CBY1: variants seen among roughly 807,000 people sequenced by gnomAD.
The protein encoded by CBY1 is protein chibby homolog 1.
Under a neutral mutation model 15.6 loss-of-function variants are expected in CBY1, and 10 were observed. The ratio of observed to expected loss-of-function variants is 0.64; its 90% CI spans 0.40 to 1.09. CBY1 has a LOEUF of 1.09. Ranked by LOEUF, CBY1 falls within the 50% of genes least tolerant of loss-of-function variation. The probability of loss-of-function intolerance (pLI) is 0.01; values close to 1 mark genes in which losing one functional copy is unlikely to be tolerated. For synonymous variants in CBY1, 61 were observed against 63.5 expected (o/e 0.96, Z 0.19); for missense variants, 150 against 160.5 (o/e 0.93, Z 0.35).
At chr22:38,657,349 C>T (rs1177052742) in intron 1 of CBY1, among the ~76,000 whole-genome samples, 3 of 152,170 alleles carry the variant, frequency 2.0e-5, no homozygotes, top group Non-Finnish European at 4.4e-5. Context: ...TTCCTCAGTG[C>T]AAAGAAAGAA....
chr22:38,668,047 G>C lies in CBY1; in HGVS notation c.-8G>C. The C allele has an allele frequency of 6.2e-7, 1 of 1,613,492 alleles. No homozygotes were observed. Among genetic ancestry groups the C allele is most frequent in the Non-Finnish European group, 8.5e-7 (1 of 1,179,512 alleles). ...GGGAGCACTGGCTTTGCTTTCATCAGGCCAAAGATGCCTTTCTTTGGGAAT... is the reference window on the plus strand; with the variant it reads ...GGGAGCACTGGCTTTGCTTTCATCACGCCAAAGATGCCTTTCTTTGGGAAT... On this transcript the variant is annotated 5_prime_UTR_variant, in exon 2 of 5. Coordinates refer to ENST00000216029, the MANE Select transcript of CBY1 (RefSeq NM_015373.4).
At chr22:38,671,259 C>T (rs1603121036) in intron 4 of CBY1, 71 bp downstream of exon 4, 2 of 1,134,230 alleles carry the variant, frequency 1.8e-6, no homozygotes, top group African/African-American at 1.5e-5. Context: ...GTCACTTAAT[C>T]CAACAGATAT....
intron 1 of CBY1, among the ~76,000 whole-genome samples, chr22:38,663,514 A>G (rs1386237041): frequency 6.8e-6 from 1 of 146,042 alleles, no homozygotes; most frequent in African/African-American, 2.5e-5. Context: ...TGACCAACAT[A>G]GAGAAACCCT....
intron 1 of CBY1, among the ~76,000 whole-genome samples, chr22:38,662,393 A>T (rs2092424721): frequency 6.6e-6 from 1 of 152,222 alleles, no homozygotes. Context: ...TCATATACAA[A>T]TATTAATTCA....
chr22:38,658,455 C>G (rs1453323908), intron 1 of CBY1, among the ~76,000 whole-genome samples: 1 of 143,016 alleles, frequency 7.0e-6, no homozygotes, highest in African/African-American at 2.6e-5. Context: ...ACATATATTA[C>G]TTTATTTTAT....
At chr22:38,670,790 T>C (rs923131327) in intron 2 of CBY1, 94 bp from the exon 3 acceptor site, 3 of 778,468 alleles carry the variant, frequency 3.9e-6, no homozygotes, top group Non-Finnish European at 6.8e-6. Flanking sequence ...ATTAGAGAAA[T>C]GAGTTGTTGG....
intron 1 of CBY1, among the ~76,000 whole-genome samples, chr22:38,658,287 G>A (rs759201507): frequency 9.9e-5 from 15 of 151,138 alleles, no homozygotes; most frequent in Non-Finnish European, 1.3e-4. Flanking sequence ...CACCACACCC[G>A]ACTAATTTTT....
chr22:38,665,645 C>G (rs1006270196), intron 1 of CBY1: 20 of 891,008 alleles, frequency 2.2e-5, no homozygotes, highest in Non-Finnish European at 3.0e-5. Context: ...CAGATGCAAA[C>G]GAGGACTCAC....
chr22:38,665,137 C>T (rs1272428256), intron 1 of CBY1, among the ~76,000 whole-genome samples: 1 of 152,202 alleles, frequency 6.6e-6, no homozygotes, highest in Non-Finnish European at 1.5e-5. Flanking sequence ...AGCCACCATG[C>T]CTGGCCTAGC....
chr22:38,665,724 T>C (rs985775789), intron 1 of CBY1: 15 of 1,229,740 alleles, frequency 1.2e-5, no homozygotes, highest in Non-Finnish European at 1.5e-5. Context: ...TGTATCCCAA[T>C]CTGGAGGGTG....
In CBY1 at chr22:38,673,252, T is replaced by C; in HGVS notation, c.*16T>C. ...GAGAAAATGAAGACCCCAGAGACAT[T>C]TATTGGGGAGTAGGATGTGGCTGAG... On this transcript the variant is annotated 3_prime_UTR_variant, in exon 5 of 5. Coordinates refer to ENST00000216029, the MANE Select transcript of CBY1 (RefSeq NM_015373.4). The C allele has an allele frequency of 6.4e-7, 1 of 1,567,678 alleles. No homozygotes were observed. The highest frequency in any genetic ancestry group is 1.1e-5 in the South Asian group (1 of 90,118).
At chr22:38,666,715 A>G (rs987540785) in intron 1 of CBY1, 3 of 151,596 alleles carry the variant, frequency 2.0e-5, no homozygotes, top group African/African-American at 4.9e-5. Context: ...TTTTTAATTT[A>G]TTTTTGAGAC....
At chr22:38,659,719 A>T (rs2092416307) in intron 1 of CBY1, among the ~76,000 whole-genome samples, 1 of 151,842 alleles carries the variant, frequency 6.6e-6, no homozygotes, top group African/African-American at 2.4e-5. Flanking sequence ...AAAATTGCCC[A>T]GGTGTGGTGG....
In CBY1 at chr22:38,661,846, C is replaced by A. The variant is rs116047054; in HGVS notation, c.-39+5096C>A. On this transcript the variant is annotated intron_variant, in intron 1 of 4. Coordinates refer to ENST00000216029, the MANE Select transcript of CBY1 (RefSeq NM_015373.4). ...GTCAGATCCAGTTAACCCGTTACTG[C>A]TTTTATTTCATAATGTAGTGAAGGA... Among the ~76,000 whole-genome samples, 436 of 152,306 alleles carry A rather than the reference C, an allele frequency of 2.9e-3. 2 individuals carry two copies. Among genetic ancestry groups the A allele is most frequent in the African/African-American group, 9.7e-3 (405 of 41,578 alleles).
At chr22:38,672,261 TG>T (rs1193857455) in intron 4 of CBY1, among the ~76,000 whole-genome samples, 1 of 134,530 alleles carries the variant, frequency 7.4e-6, no homozygotes, top group Non-Finnish European at 1.6e-5. Context: ...GACCCCATCT[TG>T]GAAAAAAAAA....
At chr22:38,672,630 T>A (rs1026371000) in intron 4 of CBY1, among the ~76,000 whole-genome samples, 15 of 152,014 alleles carry the variant, frequency 9.9e-5, no homozygotes, top group South Asian at 4.1e-4. Context: ...TGTTTTTTTT[T>A]AAAAATGAGC....
At chr22:38,660,191 A>AT (rs1603113290) in intron 1 of CBY1, among the ~76,000 whole-genome samples, 1 of 151,250 alleles carries the variant, frequency 6.6e-6, no homozygotes, top group Non-Finnish European at 1.5e-5. Context: ...GTGAAAATGC[A>AT]TTTTTTTAAC....
chr22:38,665,244 C>T (rs1023705877), intron 1 of CBY1, among the ~76,000 whole-genome samples: 15 of 152,038 alleles, frequency 9.9e-5, no homozygotes, highest in African/African-American at 3.4e-4. Flanking sequence ...AGGCAGATCA[C>T]GTGAGCCCAA....
At chr22:38,667,947 C>A in intron 1 of CBY1, 70 bp from the exon 2 acceptor site, 1 of 788,004 alleles carries the variant, frequency 1.3e-6, no homozygotes, top group Non-Finnish European at 2.1e-6. Flanking sequence ...TGTATGTCTT[C>A]AAGATTTGAA....
Sources: gnomAD v4.1 joint callset for allele counts (sites outside exome capture counted in the v4.1 genomes callset) on GRCh38, gnomAD v4.1.1 for gene constraint, MANE v1.5 for transcripts, NCBI Gene and HGNC (gene_info 2026-07-23, HGNC 2026-07-21) for gene names.